The following CSMD1 variants were observed in gnomAD, a reference collection of about 807,000 sequenced individuals.
The protein encoded by CSMD1 is CUB and Sushi multiple domains 1.
In CSMD1, 213 loss-of-function variants were observed where a neutral mutation model predicts 417.5. The ratio of observed to expected loss-of-function variants is 0.51; its 90% CI spans 0.46 to 0.57. The LOEUF is 0.57. Among genes scored for constraint, CSMD1 ranks in the 20% least tolerant of loss-of-function variants. CSMD1 has a pLI of 0.00. For synonymous variants in CSMD1, 2,862 were observed against 1,736.8 expected, an observed-to-expected ratio of 1.65 and a Z score of -16.11; for missense variants, 6,923 against 4,529.7, an observed-to-expected ratio of 1.53 and a Z score of -15.17.
chr8:3,736,754 T>C (rs1451607624), intron 6 of CSMD1, among the ~76,000 whole-genome samples: 3 of 152,136 alleles, frequency 2.0e-5, no homozygotes, highest in Non-Finnish European at 4.4e-5. Flanking sequence ...TACCAATCAT[T>C]AGGTGTGTCG....
chr8:3,702,407 G>C (rs1343185198), intron 7 of CSMD1: 2 of 152,144 alleles, frequency 1.3e-5, no homozygotes, highest in African/African-American at 4.8e-5. Flanking sequence ...ATATATTTTG[G>C]AGTTAGAAGG....
At chr8:4,304,808 C>T (rs1043765459) in intron 3 of CSMD1, among the ~76,000 whole-genome samples, 8 of 152,192 alleles carry the variant, frequency 5.3e-5, no homozygotes, top group Non-Finnish European at 1.2e-4. Context: ...TACCTTGGTG[C>T]AGGTCATTCA....
At chr8:3,083,663 T>TTA (rs1563320790) in intron 49 of CSMD1, among the ~76,000 whole-genome samples, 6 of 79,522 alleles carry the variant, frequency 7.5e-5, no homozygotes, top group Admixed American at 1.5e-4. Context: ...TTTTTTTTTT[T>TTA]TTTTTTTTTT....
intron 4 of CSMD1, among the ~76,000 whole-genome samples, chr8:4,017,849 T>C (rs555617114): frequency 6.6e-6 from 1 of 152,184 alleles, no homozygotes; most frequent in South Asian, 2.1e-4. Context: ...ACTGTATATC[T>C]GGTGGTGATC....
At position 4,790,168 on chromosome 8, in the gene CSMD1, A is replaced by G. The variant is rs1372410305; in HGVS notation, c.86-152610T>C. ...ACAAGACAAATACATACAGTTCAAC[A>G]TAATAAGAATATTGTATCACATCCA... On this transcript the variant is annotated intron_variant, in intron 1 of 69. Coordinates refer to ENST00000635120, the MANE Select transcript of CSMD1 (RefSeq NM_033225.6). Among the ~76,000 whole-genome samples, 5 of 152,320 alleles carry G rather than the reference A, an allele frequency of 3.3e-5. No individual in the cohort carries two copies. In the South Asian group the frequency reaches 1.0e-3, roughly 32 times the overall value.
At chr8:4,645,624 G>C (rs1385455385) in intron 1 of CSMD1, among the ~76,000 whole-genome samples, 1 of 151,992 alleles carries the variant, frequency 6.6e-6, no homozygotes, top group Non-Finnish European at 1.5e-5. Flanking sequence ...AGTAATTGTA[G>C]ACTGGCAAAA....
At chr8:4,875,038 C>T (rs572636036) in intron 1 of CSMD1, among the ~76,000 whole-genome samples, 4 of 151,700 alleles carry the variant, frequency 2.6e-5, no homozygotes, top group Admixed American at 1.3e-4. Flanking sequence ...CTCTCTCCCT[C>T]TCTGTCTTTC....
chr8:4,738,531 C>A (rs1034178384), intron 1 of CSMD1, among the ~76,000 whole-genome samples: 6 of 152,140 alleles, frequency 3.9e-5, no homozygotes, highest in African/African-American at 1.2e-4. Flanking sequence ...ATCCACCTGG[C>A]CACTCCCATA....
intron 26 of CSMD1, among the ~76,000 whole-genome samples, chr8:3,244,090 G>C (rs1466570878): frequency 2.6e-5 from 4 of 152,158 alleles, no homozygotes; most frequent in Admixed American, 2.6e-4. Context: ...GTCGCATCTA[G>C]TACACAGATC....
chr8:3,855,628 T>C (rs958695827), intron 5 of CSMD1, among the ~76,000 whole-genome samples: 16 of 152,160 alleles, frequency 1.1e-4, no homozygotes, highest in African/African-American at 3.9e-4. Flanking sequence ...CTATGACAGT[T>C]TACTGCTTGA....
chr8:3,700,028 T>C (rs1005787772), intron 7 of CSMD1, among the ~76,000 whole-genome samples: 3 of 152,182 alleles, frequency 2.0e-5, no homozygotes, highest in Admixed American at 6.5e-5. Flanking sequence ...TTATAAATTC[T>C]TAGTAGAGAT....
chr8:3,123,267 A>G (rs934254992), intron 41 of CSMD1, among the ~76,000 whole-genome samples: 5 of 152,120 alleles, frequency 3.3e-5, no homozygotes, highest in Admixed American at 2.0e-4. Context: ...TAGCAAGGCC[A>G]CCGCTGCCTC....
chr8:3,332,818 A>G (rs118174186), intron 23 of CSMD1, among the ~76,000 whole-genome samples: 1 of 152,298 alleles, frequency 6.6e-6, no homozygotes, highest in East Asian at 1.9e-4. Context: ...CCAACCCTGG[A>G]TGTATGAATG....
intron 16 of CSMD1, among the ~76,000 whole-genome samples, chr8:3,397,525 C>G (rs762433684): frequency 2.0e-5 from 3 of 152,208 alleles, no homozygotes; most frequent in African/African-American, 7.2e-5. Context: ...TTGTATATCA[C>G]ACATCTGGAC....
At position 4,325,009 on chromosome 8, in the gene CSMD1, C is replaced by G. The variant is rs554907435; in HGVS notation, c.415+94944G>C. The stretch of plus-strand genomic sequence containing the variant: ...CATCATTGCATTCCTGGTGTGGTCA[C>G]TCATTGAGTGAGTGCTGCACTGTGG... On this transcript the variant is annotated intron_variant, in intron 3 of 69. Coordinates refer to ENST00000635120, the MANE Select transcript of CSMD1 (RefSeq NM_033225.6). Among the ~76,000 whole-genome samples, 4 of 152,202 alleles carry G rather than the reference C, an allele frequency of 2.6e-5. No homozygotes were observed. The South Asian group carries it at 6.2e-4, about 24-fold the overall frequency.
At chr8:4,037,844 T>C (rs887613178) in intron 3 of CSMD1, among the ~76,000 whole-genome samples, 3 of 152,048 alleles carry the variant, frequency 2.0e-5, no homozygotes, top group African/African-American at 7.2e-5. Context: ...TAATATATTA[T>C]AAAGTAGATC....
At chr8:4,047,093 G>T (rs376195922) in intron 3 of CSMD1, among the ~76,000 whole-genome samples, 5 of 152,172 alleles carry the variant, frequency 3.3e-5, no homozygotes, top group East Asian at 1.9e-4. Context: ...TGGTCTCTAT[G>T]GCATTGAAGC....
chr8:4,464,236 C>T (rs73660869), intron 2 of CSMD1, among the ~76,000 whole-genome samples: 1 of 152,130 alleles, frequency 6.6e-6, no homozygotes, highest in Non-Finnish European at 1.5e-5. Context: ...TCTTAACATT[C>T]CCACATTAAC....
Position 3,086,978 on chromosome 8 carries a change from C to T in CSMD1, c.7474+119G>A, listed in dbSNP as rs1317499937. On this transcript the variant is annotated intron_variant, in intron 49 of 69. Transcript: ENST00000635120. ...AGGTTTAATTCGTACTGTTATAAGC[C>T]AACATTCAATTTTTCCTTACCTTTT... The T allele has an allele frequency of 2.2e-4, 201 of 933,154 alleles. No individual in the cohort carries two copies. The East Asian group carries it at 5.2e-3, about 24-fold the overall frequency. 57.8% of individuals were successfully genotyped at this position (933,154 alleles called of 1,614,324 possible).
Sources: allele counts gnomAD v4.1 joint callset (sites outside exome capture counted in the v4.1 genomes callset), GRCh38; gene constraint gnomAD v4.1.1; transcripts MANE v1.5; gene names NCBI Gene and HGNC (gene_info 2026-07-23, HGNC 2026-07-21).